Variants in GCLC observed in about 807,000 individuals in gnomAD.
GCLC encodes glutamate-cysteine ligase catalytic subunit, also known as glutamate--cysteine ligase catalytic subunit.
Under a neutral mutation model 81.5 loss-of-function variants are expected in GCLC, and 30 were observed. The ratio of observed to expected loss-of-function variants is 0.37; its 90% confidence interval spans 0.28 to 0.50. The LOEUF (loss-of-function observed/expected upper bound fraction) is 0.50. Among genes scored for constraint, GCLC ranks in the 20% least tolerant of loss-of-function variants. The pLI is 0.96. For missense variants in GCLC, 556 were observed against 777.4 expected, an observed-to-expected ratio of 0.72 and a Z score of 3.39; for synonymous variants, 262 against 273.3, an observed-to-expected ratio of 0.96 and a Z score of 0.41.
chr6:53,508,790 T>G, intron 7 of GCLC, 79 bp from the exon 8 acceptor site: 1 of 970,230 alleles, frequency 1.0e-6, no homozygotes, highest in South Asian at 1.3e-5. Flanking sequence ...CAGTTATATT[T>G]CTGATCAAAA....
intron 1 of GCLC, among the ~76,000 whole-genome samples, chr6:53,526,762 C>T (rs985824297): frequency 1.2e-4 from 17 of 143,442 alleles, no homozygotes; most frequent in African/African-American, 3.9e-4. Flanking sequence ...CGCGGCACTG[C>T]ACTCTGGCCT....
chr6:53,505,941 G>A, intron 10 of GCLC, 46 bp from the exon 11 acceptor site: 1 of 1,040,942 alleles, frequency 9.6e-7, no homozygotes, highest in Non-Finnish European at 1.5e-6. Context: ...CACACATCCA[G>A]GAAAATATTA....
intron 1 of GCLC, among the ~76,000 whole-genome samples, chr6:53,543,121 G>A (rs1763388061): frequency 6.6e-6 from 1 of 152,176 alleles, no homozygotes; most frequent in Admixed American, 6.5e-5. Flanking sequence ...ATGCCACAAG[G>A]ACCTGATGCC....
At chr6:53,524,319 TA>T (rs1000388788) in intron 1 of GCLC, among the ~76,000 whole-genome samples, 1 of 152,182 alleles carries the variant, frequency 6.6e-6, no homozygotes, top group African/African-American at 2.4e-5. Flanking sequence ...ACCTTGCTGC[TA>T]GGGCTGTAGA....
chr6:53,503,278 C>G (rs13437220), intron 12 of GCLC: 31,460 of 152,300 alleles, frequency 0.21, 4,881 homozygotes, highest in East Asian at 0.44. Flanking sequence ...GCTCTCACCA[C>G]ACACCGAAAC....
chr6:53,512,011 C>T (rs1474965257), intron 6 of GCLC, among the ~76,000 whole-genome samples: 1 of 149,220 alleles, frequency 6.7e-6, no homozygotes, highest in Admixed American at 6.7e-5. Context: ...TGCAGTGGCA[C>T]GATCTTGGCT....
At chr6:53,514,366 T>C in intron 5 of GCLC, 29 bp from the exon 6 acceptor site, 2 of 1,589,046 alleles carry the variant, frequency 1.3e-6, no homozygotes, top group Non-Finnish European at 1.7e-6. Flanking sequence ...AAAATAAAAA[T>C]GGTTTAGAAT....
intron 1 of GCLC, among the ~76,000 whole-genome samples, chr6:53,527,335 T>C (rs928208792): frequency 4.6e-5 from 7 of 152,328 alleles, no homozygotes; most frequent in African/African-American, 1.7e-4. Context: ...GTTTTGATCC[T>C]TTTGCTAGAA....
At position 53,522,490 on chromosome 6, in the gene GCLC, T is replaced by A. The variant is rs1481128876; in HGVS notation, c.188A>T (p.Lys63Ile). ...YMLVSFDHEN[K>I]KVRLVLSGEK... ...CCCAGACAGGACCAACCGGACTTTT[T>A]TATTTTCATGATCAAAAGATACCAA... The change falls in exon 2 of 16, where the codon AAA becomes ATA. Residue 63 changes from lysine (K) to isoleucine (I), a missense_variant. By Grantham distance (102) the Lys-to-Ile change is moderately radical. Around this residue, in one of 3 missense-constraint regions of GCLC, gnomAD observed 234 missense variants for 303.8 expected, o/e 0.77. Coordinates refer to ENST00000650454, the MANE Select transcript of GCLC (RefSeq NM_001498.4). The A allele has an allele frequency of 6.2e-7, 1 of 1,611,734 alleles. No homozygotes were observed. The highest frequency in any genetic ancestry group is 8.5e-7 in the Non-Finnish European group (1 of 1,177,876).
At chr6:53,509,333 G>C (rs978030790) in intron 6 of GCLC, 83 bp from the exon 7 acceptor site, 1 of 810,376 alleles carries the variant, frequency 1.2e-6, no homozygotes, top group Non-Finnish European at 2.2e-6. Context: ...GGAAGGTGCT[G>C]GGCAGAGAGG....
At chr6:53,512,638 G>A (rs1231909996) in intron 6 of GCLC, among the ~76,000 whole-genome samples, 1 of 151,932 alleles carries the variant, frequency 6.6e-6, no homozygotes, top group Non-Finnish European at 1.5e-5. Context: ...GTGGAGTAGT[G>A]AAACTGTACA....
At chr6:53,501,670 T>C (rs879195222) in intron 12 of GCLC, among the ~76,000 whole-genome samples, 2 of 152,212 alleles carry the variant, frequency 1.3e-5, no homozygotes, top group Admixed American at 1.3e-4. Flanking sequence ...TATGGTTTCA[T>C]TTTTTAAGAG....
At chr6:53,542,917 G>A (rs1193545005) in intron 1 of GCLC, among the ~76,000 whole-genome samples, 2 of 152,088 alleles carry the variant, frequency 1.3e-5, no homozygotes, top group African/African-American at 4.8e-5. Flanking sequence ...GCTGAGGCAG[G>A]AGAATTGCTT....
chr6:53,502,095 G>A (rs56033411), intron 12 of GCLC, among the ~76,000 whole-genome samples: 7,946 of 152,168 alleles, frequency 0.052, 321 homozygotes, highest in Non-Finnish European at 0.075. Flanking sequence ...TAGCGGGAAC[G>A]CATGCTGTAT....
rs138215477 is a variant in GCLC, at chr6:53,535,290, G to A, written c.150+9206C>T. Among the ~76,000 whole-genome samples the A allele has an allele frequency of 5.5e-3, 833 of 152,262 alleles. 9 individuals carry two copies. Among genetic ancestry groups the A allele is most frequent in the African/African-American group, 0.019 (791 of 41,544 alleles). ...AGCACTCTGGGAGGCCAAGGCAGGC[G>A]GACTGCCTGAGCTCAGGAGTTCAAG... On this transcript the variant is annotated intron_variant, in intron 1 of 15. Coordinates refer to ENST00000650454, the MANE Select transcript of GCLC (RefSeq NM_001498.4).
At chr6:53,521,600 C>T (rs959111293) in intron 2 of GCLC, among the ~76,000 whole-genome samples, 2 of 152,124 alleles carry the variant, frequency 1.3e-5, no homozygotes, top group Non-Finnish European at 2.9e-5. Flanking sequence ...TTCCCCAAAA[C>T]GAATGAGTGG....
chr6:53,497,834 G>A lies in GCLC; in HGVS notation c.*922C>T, dbSNP rs1764402425. On this transcript the variant is annotated 3_prime_UTR_variant, in exon 16 of 16. Transcript: ENST00000650454. ...AAATCTGGAGTGAATGGCTTTTAGAGGAAAGTCTATCAGTATGCTTAACTA... is the reference window on the plus strand; with the variant it reads ...AAATCTGGAGTGAATGGCTTTTAGAAGAAAGTCTATCAGTATGCTTAACTA... 1 of 152,470 alleles carries A rather than the reference G, an allele frequency of 6.6e-6. No homozygotes were observed. Among genetic ancestry groups the A allele is most frequent in the Non-Finnish European group, 1.5e-5 (1 of 68,034 alleles). 9.4% of individuals were successfully genotyped at this position (152,470 alleles called of 1,614,324 possible).
intron 1 of GCLC, among the ~76,000 whole-genome samples, chr6:53,533,534 TA>T (rs1384555399): frequency 6.6e-6 from 1 of 151,538 alleles, no homozygotes; most frequent in Non-Finnish European, 1.5e-5. Context: ...GTAAAGTATG[TA>T]ATCTCAAAGA....
At chr6:53,514,550 A>G (rs747627982) in intron 4 of GCLC, 53 bp from the exon 5 acceptor site, 1 of 1,289,884 alleles carries the variant, frequency 7.8e-7, no homozygotes, top group Non-Finnish European at 1.1e-6. Flanking sequence ...TCATCGTGTA[A>G]AAGAAGAATT....
Sources: allele counts gnomAD v4.1 joint callset (sites outside exome capture counted in the v4.1 genomes callset), GRCh38; gene constraint gnomAD v4.1.1; regional missense constraint gnomAD v4.1.1; transcripts MANE v1.5; gene names NCBI Gene and HGNC (gene_info 2026-07-23, HGNC 2026-07-21).